Variants in WDR70 observed in about 807,000 individuals in gnomAD.
The protein encoded by WDR70 is WD repeat-containing protein 70.
A neutral mutation model predicts 88.6 loss-of-function variants in WDR70; 53 were observed. That is an observed-to-expected ratio of 0.60 (90% CI 0.48 to 0.75). The LOEUF is 0.75. Among genes scored for constraint, WDR70 ranks in the 30% least tolerant of loss-of-function variants. The pLI, the probability that WDR70 is intolerant of heterozygous loss-of-function variation, is 0.00. For missense variants in WDR70, 610 were observed against 823.2 expected (o/e 0.74, Z 3.17); for synonymous variants, 280 against 270.0 (o/e 1.04, Z -0.36).
intron 4 of WDR70, among the ~76,000 whole-genome samples, chr5:37,394,824 A>G (rs1399887097): frequency 1.3e-5 from 2 of 152,214 alleles, no homozygotes; most frequent in Non-Finnish European, 2.9e-5. Context: ...TGGAGATTTG[A>G]GCTATGCAGT....
At chr5:37,697,566 A>C (rs1222625970) in intron 10 of WDR70, 89 bp from the exon 11 acceptor site, 5 of 1,052,506 alleles carry the variant, frequency 4.8e-6, no homozygotes, top group Non-Finnish European at 7.3e-6. Flanking sequence ...TATTATTTTC[A>C]TCGTAATAAA....
intron 14 of WDR70, chr5:37,722,570 A>C (rs1747853806): frequency 2.9e-6 from 1 of 344,454 alleles, no homozygotes; most frequent in Non-Finnish European, 5.3e-6. Flanking sequence ...AAGATCTTAA[A>C]ATTTCACATT....
chr5:37,429,432 G>A (rs753686942), intron 5 of WDR70, among the ~76,000 whole-genome samples: 2 of 151,468 alleles, frequency 1.3e-5, no homozygotes, highest in Non-Finnish European at 2.9e-5. Flanking sequence ...ACCAATGATT[G>A]CAAAAATTTT....
At chr5:37,608,656 C>T (rs1239630146) in intron 10 of WDR70, among the ~76,000 whole-genome samples, 1 of 151,970 alleles carries the variant, frequency 6.6e-6, no homozygotes, top group Non-Finnish European at 1.5e-5. Context: ...CTCCTAGGCT[C>T]AGTTGATCCT....
intron 17 of WDR70, among the ~76,000 whole-genome samples, chr5:37,741,741 C>A (rs984497251): frequency 6.6e-6 from 1 of 152,132 alleles, no homozygotes; most frequent in Non-Finnish European, 1.5e-5. Context: ...GGTTGGGGAC[C>A]GCCTGCATTA....
intron 10 of WDR70, among the ~76,000 whole-genome samples, chr5:37,645,355 A>T: frequency 6.6e-6 from 1 of 151,968 alleles, no homozygotes; most frequent in Non-Finnish European, 1.5e-5. Context: ...GAGAAGATGT[A>T]TGATATTATT....
At chr5:37,451,177 C>T (rs768569079) in intron 7 of WDR70, among the ~76,000 whole-genome samples, 2 of 152,132 alleles carry the variant, frequency 1.3e-5, no homozygotes, top group African/African-American at 2.4e-5. Flanking sequence ...GGATTACAGA[C>T]GTGAGCCATT....
At chr5:37,656,894 G>A (rs1227512577) in intron 10 of WDR70, among the ~76,000 whole-genome samples, 1 of 152,180 alleles carries the variant, frequency 6.6e-6, no homozygotes, top group Non-Finnish European at 1.5e-5. Context: ...CCATGTGGGT[G>A]GGAAAATTTC....
chr5:37,651,276 C>G (rs558236608), intron 10 of WDR70, among the ~76,000 whole-genome samples: 1 of 152,060 alleles, frequency 6.6e-6, no homozygotes, highest in Non-Finnish European at 1.5e-5. Context: ...TCCATGTCCC[C>G]GCAAAGGACA....
intron 7 of WDR70, among the ~76,000 whole-genome samples, chr5:37,455,533 C>T (rs910929091): frequency 5.9e-5 from 9 of 151,646 alleles, no homozygotes; most frequent in Admixed American, 1.3e-4. Flanking sequence ...TGAGCCATTG[C>T]GCCTTATCCT....
At chr5:37,677,744 A>G (rs979492533) in intron 10 of WDR70, among the ~76,000 whole-genome samples, 13 of 152,192 alleles carry the variant, frequency 8.5e-5, no homozygotes, top group African/African-American at 2.2e-4. Context: ...GTAGATGTCT[A>G]TTAGGTCTGC....
intron 9 of WDR70, among the ~76,000 whole-genome samples, chr5:37,521,194 C>G (rs1444819077): frequency 6.6e-6 from 1 of 152,192 alleles, no homozygotes; most frequent in Non-Finnish European, 1.5e-5. Context: ...ACTACAGCAG[C>G]CTTTCCCAAA....
At chr5:37,473,191 G>A (rs1435146770) in intron 7 of WDR70, among the ~76,000 whole-genome samples, 2 of 147,944 alleles carry the variant, frequency 1.4e-5, no homozygotes, top group African/African-American at 5.1e-5. Flanking sequence ...ATTTTGTTAA[G>A]TATCTATCTT....
At chr5:37,482,437 G>C (rs573093786) in intron 8 of WDR70, among the ~76,000 whole-genome samples, 7 of 152,314 alleles carry the variant, frequency 4.6e-5, no homozygotes, top group African/African-American at 1.4e-4. Flanking sequence ...CAGCAGGCAG[G>C]AGAGAGCATG....
chr5:37,409,568 G>A (rs79114955), intron 5 of WDR70, among the ~76,000 whole-genome samples: 6 of 150,952 alleles, frequency 4.0e-5, no homozygotes, highest in East Asian at 2.0e-4. Context: ...GCAGTGGTGC[G>A]ATCTCGTCCC....
intron 5 of WDR70, among the ~76,000 whole-genome samples, chr5:37,422,692 T>G (rs1162719911): frequency 6.6e-6 from 1 of 151,976 alleles, no homozygotes; most frequent in Non-Finnish European, 1.5e-5. Context: ...TGGCCAGGCT[T>G]GTCTTGAACT....
intron 9 of WDR70, among the ~76,000 whole-genome samples, chr5:37,569,487 T>C (rs114567174): frequency 0.011 from 1,658 of 152,352 alleles, 21 homozygotes; most frequent in African/African-American, 0.037. Context: ...TGTCCTTTGA[T>C]AATAGCATTT....
intron 10 of WDR70, among the ~76,000 whole-genome samples, chr5:37,653,686 G>T (rs999284806): frequency 1.3e-5 from 2 of 152,196 alleles, no homozygotes; most frequent in African/African-American, 4.8e-5. Context: ...ATGTGTCCAA[G>T]AATTTGGCTA....
chr5:37,690,404 T>C (rs1330253139), intron 10 of WDR70, among the ~76,000 whole-genome samples: 1 of 152,026 alleles, frequency 6.6e-6, no homozygotes, highest in Non-Finnish European at 1.5e-5. Context: ...AGACACATAA[T>C]TGTCAGATTC....
Sources: gnomAD v4.1 joint callset for allele counts (sites outside exome capture counted in the v4.1 genomes callset) on GRCh38, gnomAD v4.1.1 for gene constraint, MANE v1.5 for transcripts, NCBI Gene and HGNC (gene_info 2026-07-23, HGNC 2026-07-21) for gene names.